STAT6: variants seen among roughly 807,000 people sequenced by gnomAD.
STAT6 encodes the protein STAT, interleukin4-induced.
STAT6 carries 45 observed loss-of-function variants against 106.3 expected under a neutral mutation model. The ratio of observed to expected loss-of-function variants is 0.42; its 90% confidence interval spans 0.33 to 0.54. The LOEUF (loss-of-function observed/expected upper bound fraction) is 0.54. Among genes scored for constraint, STAT6 ranks in the 20% least tolerant of loss-of-function variants. The pLI is 0.06. For synonymous variants in STAT6, 413 were observed against 413.6 expected (o/e 1.00, Z 0.02); for missense variants, 797 against 1,062.2 (o/e 0.75, Z 3.47).
chr12:57,099,125 G>A lies in STAT6; in HGVS notation c.1892-47C>T. The A allele has an allele frequency of 1.9e-6, 3 of 1,611,312 alleles. No homozygotes were observed. Among genetic ancestry groups the A allele is most frequent in the Middle Eastern group, 1.7e-4 (1 of 6,060 alleles). Reference sequence around the variant, plus strand: ...AGCCATGGAGTGCTCTGGGGTTAGGGAGGAAGGGAGGTGGAAAAGGTGGGC... The same window carrying A: ...AGCCATGGAGTGCTCTGGGGTTAGGAAGGAAGGGAGGTGGAAAAGGTGGGC... On this transcript the variant is annotated intron_variant, in intron 16 of 21. Transcript: ENST00000300134. The surrounding 1 kb of genome is among the most constrained non-coding windows in gnomAD (Gnocchi z 4.7).
chr12:57,106,432 C>T, intron 6 of STAT6, 93 bp from the exon 7 acceptor site: 1 of 1,607,200 alleles, frequency 6.2e-7, no homozygotes, highest in East Asian at 2.2e-5. Flanking sequence ...TCTGGCATTC[C>T]CTTGCCCTAC....
chr12:57,102,766 C>T (rs2034016363), intron 12 of STAT6, 63 bp downstream of exon 12: 2 of 1,363,160 alleles, frequency 1.5e-6, no homozygotes, highest in African/African-American at 1.4e-5. Context: ...AGCAGGCCTG[C>T]ACCACTGCCC....
chr12:57,102,722 G>T, intron 12 of STAT6, 107 bp downstream of exon 12: 2 of 1,040,430 alleles, frequency 1.9e-6, no homozygotes, highest in Non-Finnish European at 2.9e-6. Context: ...AAGTGTTAAG[G>T]TCACACCCAT....
At position 57,096,646 on chromosome 12, in the gene STAT6, G is replaced by C. The variant is rs146670318; in HGVS notation, c.2470C>G (p.Leu824Val). The change falls in exon 22 of 22, where the codon CTG (leucine) becomes GTG (valine). Residue 824 changes from leucine to valine, a missense_variant. Leu to Val is a conservative substitution (Grantham distance 32, BLOSUM62 1). Transcript: ENST00000300134. ...GGGSLGAQPL[L>V]QPSHYGQSGI... Reference sequence around the variant, plus strand: ...GATTGCCCATAGTGGGAGGGCTGCAGGAGGGGCTGTGCCCCCAAGGACCCT... The same window carrying C: ...GATTGCCCATAGTGGGAGGGCTGCACGAGGGGCTGTGCCCCCAAGGACCCT... The C allele has an allele frequency of 1.1e-3, 1,844 of 1,609,148 alleles. 3 individuals are homozygous for C. The highest frequency in any genetic ancestry group is 1.5e-3 in the Non-Finnish European group (1,780 of 1,178,452).
intron 13 of STAT6, chr12:57,100,811 G>C: frequency 2.2e-6 from 1 of 447,616 alleles, no homozygotes; most frequent in Admixed American, 2.5e-5. Flanking sequence ...GCAAGAGTCA[G>C]AAATATGTGG....
At chr12:57,098,768 A>G in intron 18 of STAT6, 24 bp downstream of exon 18, 1 of 1,609,052 alleles carries the variant, frequency 6.2e-7, no homozygotes, top group East Asian at 2.2e-5. Context: ...GACCACTCCC[A>G]TTCCTGTCTT....
In STAT6 at chr12:57,096,885, C is replaced by T; in HGVS notation, c.2319G>A (p.Leu773=). 4 of 1,614,180 alleles carry T rather than the reference C, an allele frequency of 2.5e-6. No homozygotes were observed. The highest frequency in any genetic ancestry group is 1.1e-5 in the South Asian group (1 of 91,092). Residue 773 remains leucine (L), a synonymous_variant, in exon 21 of 22, where the codon CTG becomes CTA. Coordinates refer to ENST00000300134, the MANE Select transcript of STAT6 (RefSeq NM_003153.5). ...SDVTMVEDSC[L]SQPVTAFPQG... ...GAGGAAACGCTGTCACTGGCTGGCT[C>T]AGGCAGCTGTCTTCCACCATGGTCA... is the stretch of plus-strand genomic sequence containing the variant.
chr12:57,108,263 G>C lies in STAT6; in HGVS notation c.16C>G (p.Leu6Val). The change falls in exon 2 of 22, where the codon CTG becomes GTG. Residue 6 changes from leucine (L) to valine (V), a missense_variant. Leu to Val is a conservative substitution (Grantham distance 32, BLOSUM62 1). Coordinates refer to ENST00000300134, the MANE Select transcript of STAT6 (RefSeq NM_003153.5). MSLWG[L>V]VSKMPPEKVQ... Reference sequence around the variant, plus strand: ...TTTTCTGGGGGCATCTTGGAGACCAGACCCCACAGAGACATGATCTGGGAC... The same window carrying C: ...TTTTCTGGGGGCATCTTGGAGACCACACCCCACAGAGACATGATCTGGGAC... 1 of 1,609,892 alleles carries C rather than the reference G, an allele frequency of 6.2e-7. No individual in the cohort carries two copies. Among genetic ancestry groups the C allele is most frequent in the Non-Finnish European group, 8.5e-7 (1 of 1,177,438 alleles).
chr12:57,105,163 G>A lies in STAT6; in HGVS notation c.989C>T (p.Pro330Leu). Reference protein sequence around the residue: ...QARELSVPQGPGAGAESTGEI... With the variant: ...QARELSVPQGLGAGAESTGEI... The stretch of plus-strand genomic sequence containing the variant: ...AATCCCAGCTTACGCTCCAGCCCCA[G>A]GACCCTGAGGCACACTCAGCTCCCG... Residue 330 changes from proline to leucine, a missense_variant, in exon 9 of 22, where the codon CCT becomes CTT. Physicochemically the swap from Pro to Leu is moderately conservative, Grantham distance 98 (BLOSUM62 -3). This residue lies in a region of STAT6 where 336 missense variants were observed against 429.8 expected (regional missense o/e 0.78). Coordinates refer to ENST00000300134, the MANE Select transcript of STAT6 (RefSeq NM_003153.5). 2 of 1,612,032 alleles carry A rather than the reference G, an allele frequency of 1.2e-6. No individual in the cohort carries two copies. Among genetic ancestry groups the A allele is most frequent in the Non-Finnish European group, 1.7e-6 (2 of 1,178,936 alleles).
intron 11 of STAT6, chr12:57,103,978 A>T (rs1394442901): frequency 6.3e-6 from 1 of 157,598 alleles, no homozygotes; most frequent in Admixed American, 6.3e-5. Flanking sequence ...ATGTTATTAA[A>T]TGCGTTCTGA....
chr12:57,109,066 G>A (rs2034442686), intron 1 of STAT6, among the ~76,000 whole-genome samples: 2 of 152,170 alleles, frequency 1.3e-5, no homozygotes, highest in African/African-American at 2.4e-5. Flanking sequence ...GCAGGGCGTG[G>A]TGGCGAGCGC....
intron 11 of STAT6, 183 bp downstream of exon 11, chr12:57,104,281 C>T (rs2034134967): frequency 1.2e-6 from 1 of 808,814 alleles, no homozygotes; most frequent in African/African-American, 1.7e-5. Context: ...TATCCACTAC[C>T]ATTCCCTGCC....
chr12:57,109,558 A>C (rs2034470041), intron 1 of STAT6, among the ~76,000 whole-genome samples: 1 of 152,062 alleles, frequency 6.6e-6, no homozygotes, highest in Non-Finnish European at 1.5e-5. Flanking sequence ...GGAAGGTGGG[A>C]GGAGACTTGA....
rs762165069 is a variant in STAT6 at position 57,096,681 on chromosome 12, T to C, written c.2435A>G (p.Glu812Gly). 1.2e-6 allele frequency: 2 copies of C among 1,604,644 alleles called. No homozygotes were observed. Among genetic ancestry groups the C allele is most frequent in the Non-Finnish European group, 1.7e-6 (2 of 1,177,092 alleles). Residue 812 changes from glutamate (E) to glycine (G), a missense_variant, in exon 22 of 22, where the codon GAG (glutamate) becomes GGG (glycine). Glu to Gly is a moderately conservative substitution (Grantham distance 98). This residue lies in a region of STAT6 where 226 missense variants were observed against 236.7 expected (regional missense o/e 0.95). Coordinates refer to ENST00000300134, the MANE Select transcript of STAT6 (RefSeq NM_003153.5). ...LTKLLLEGQGESGGGSLGAQP... is the reference protein window; with the variant it reads ...LTKLLLEGQGGSGGGSLGAQP... Reference sequence around the variant, plus strand: ...TGCCCCCAAGGACCCTCCCCCCGACTCCCCTTGCCCCTCCAGGAGAAGCTT... The same window carrying C: ...TGCCCCCAAGGACCCTCCCCCCGACCCCCCTTGCCCCTCCAGGAGAAGCTT...
chr12:57,107,749 G>A lies in STAT6; in HGVS notation c.117-6C>T. 6.2e-7 allele frequency: 1 copy of A among 1,613,938 alleles called. No individual in the cohort carries two copies. Among genetic ancestry groups the A allele is most frequent in the Non-Finnish European group, 8.5e-7 (1 of 1,180,020 alleles). On this transcript the variant is annotated splice_polypyrimidine_tract_variant and splice_region_variant and intron_variant, in intron 2 of 21. Transcript: ENST00000300134. ...CGGAGCCGACCAGGAACTCCCTGCA[G>A]GAAGATCAGGATGAGGCTACCTCAG...
chr12:57,099,752 C>T lies in STAT6; in HGVS notation c.1744+15G>A, dbSNP rs1231036805. ...CACAGGCACAGAGACAGAGGACTGGCTGGGGTGGCCTCACCATCCTGGCCC... is the reference window on the plus strand; with the variant it reads ...CACAGGCACAGAGACAGAGGACTGGTTGGGGTGGCCTCACCATCCTGGCCC... On this transcript the variant is annotated intron_variant, in intron 15 of 21. Coordinates refer to ENST00000300134, the MANE Select transcript of STAT6 (RefSeq NM_003153.5). The surrounding 1 kb of genome is among the most constrained non-coding windows in gnomAD (Gnocchi z 4.7). 1 of 1,610,784 alleles carries T rather than the reference C, an allele frequency of 6.2e-7. No homozygotes were observed. The highest frequency in any genetic ancestry group is 8.5e-7 in the Non-Finnish European group (1 of 1,178,648).
intron 13 of STAT6, among the ~76,000 whole-genome samples, 164 bp downstream of exon 13, chr12:57,102,126 G>A (rs1487439767): frequency 6.6e-6 from 1 of 152,072 alleles, no homozygotes; most frequent in Non-Finnish European, 1.5e-5. Context: ...CAACCCCCAG[G>A]CCTGGGGTTT....
At chr12:57,097,854 C>T (rs954590772) in intron 19 of STAT6, among the ~76,000 whole-genome samples, 1 of 151,810 alleles carries the variant, frequency 6.6e-6, no homozygotes, top group Non-Finnish European at 1.5e-5. Context: ...GAGCTAAGAT[C>T]GCACCACTGC....
In STAT6 at chr12:57,100,678, A is replaced by AAGAAAGAG. The variant is rs1565684250; in HGVS notation, c.1513-589_1513-588insCTCTTTCT. Among the ~76,000 whole-genome samples, 6 of 66,502 alleles carry AAGAAAGAG rather than the reference A, an allele frequency of 9.0e-5. No homozygotes were observed. The South Asian group carries it at 1.3e-3, about 14-fold the overall frequency. 43.6% of individuals were successfully genotyped at this position (66,502 alleles called of 152,430 possible). A position where few individuals can be genotyped will look rare whatever the true frequency, so the allele number is the denominator to read the frequency against. ...AAAGAAAGAAAGAAAGAAAGAAAGA[A>AAGAAAGAG]AGAAAGAAAGAAAGAAAGAAAGAGA... is the stretch of plus-strand genomic sequence containing the variant. On this transcript the variant is annotated intron_variant, in intron 13 of 21. Transcript: ENST00000300134.
Sources: allele counts gnomAD v4.1 joint callset (sites outside exome capture counted in the v4.1 genomes callset), GRCh38; gene constraint gnomAD v4.1.1; regional missense constraint gnomAD v4.1.1; non-coding constraint Gnocchi (gnomAD v3.1); transcripts MANE v1.5; gene names NCBI Gene and HGNC (gene_info 2026-07-23, HGNC 2026-07-21).